PEX14: variants seen among roughly 807,000 people sequenced by gnomAD.
PEX14 encodes the protein peroxisomal biogenesis factor 14.
Under a neutral mutation model 49.5 loss-of-function variants are expected in PEX14, and 15 were observed. The observed-to-expected ratio is 0.30, with a 90% CI of 0.20 to 0.47. PEX14 has a LOEUF of 0.47. PEX14 is among the 20% of genes least tolerant of loss of function. PEX14 has a pLI of 1.00. For missense variants in PEX14, 398 were observed against 494.8 expected (o/e 0.80, Z 1.86); for synonymous variants, 210 against 212.7 (o/e 0.99, Z 0.11).
intron 2 of PEX14, among the ~76,000 whole-genome samples, chr1:10,521,991 G>A (rs1237161139): frequency 1.3e-5 from 2 of 152,198 alleles, no homozygotes; most frequent in East Asian, 1.9e-4. Flanking sequence ...TGATCGTAGT[G>A]TTGTAGGAAG....
intron 4 of PEX14, among the ~76,000 whole-genome samples, chr1:10,612,167 A>G (rs777514101): frequency 5.9e-5 from 9 of 152,102 alleles, no homozygotes; most frequent in Non-Finnish European, 8.8e-5. Flanking sequence ...ATTTTTGTGT[A>G]TGGTATAAGG....
chr1:10,558,052 A>G (rs11121587), intron 3 of PEX14, among the ~76,000 whole-genome samples: 37,783 of 152,038 alleles, frequency 0.25, 5,559 homozygotes, highest in Admixed American at 0.33. Context: ...GGGACATTCT[A>G]TTCTCATTCA....
chr1:10,629,407 GC>G lies in PEX14; in HGVS notation c.678-121del. The G allele has an allele frequency of 1.4e-6, 1 of 731,536 alleles. No individual in the cohort carries two copies. Among genetic ancestry groups the G allele is most frequent in the Admixed American group, 1.8e-5 (1 of 54,828 alleles). The allele number at this position is 731,536 out of a possible 1,614,324, so 45.3% of individuals were successfully genotyped here. On this transcript the variant is annotated intron_variant, in intron 8 of 8. Coordinates refer to ENST00000356607, the MANE Select transcript of PEX14 (RefSeq NM_004565.3). The surrounding 1 kb of genome is among the most constrained non-coding windows in gnomAD (Gnocchi z 8.5). ...GTGGAAGGGCTCCATCCTGTCCCTT[GC>G]CCAGTGTCCCTGGGGGAGCAGCTCA...
rs759085670 is a variant in PEX14 at position 10,630,296 on chromosome 1, C to T, written c.*309C>T. The T allele has an allele frequency of 8.6e-5, 43 of 498,398 alleles. No homozygotes were observed. Among genetic ancestry groups the T allele is most frequent in the East Asian group, 7.0e-4 (21 of 30,046 alleles). The allele number at this position is 498,398 out of a possible 1,614,324, so 30.9% of individuals were successfully genotyped here. On this transcript the variant is annotated 3_prime_UTR_variant, in exon 9 of 9. Transcript: ENST00000356607. The surrounding 1 kb of genome is among the most constrained non-coding windows in gnomAD (Gnocchi z 4.1). ...CAAGCCCCTCCCCAGCCCCCTCTCCCGGACAGACGCCTTGCCCAGGGTGTG... is the reference window on the plus strand; with the variant it reads ...CAAGCCCCTCCCCAGCCCCCTCTCCTGGACAGACGCCTTGCCCAGGGTGTG...
chr1:10,508,127 A>G (rs901824487), intron 2 of PEX14, among the ~76,000 whole-genome samples: 1 of 152,058 alleles, frequency 6.6e-6, no homozygotes, highest in African/African-American at 2.4e-5. Flanking sequence ...AGTCTTACAG[A>G]GGTTTCTCTT....
intron 3 of PEX14, among the ~76,000 whole-genome samples, chr1:10,573,285 T>TAAAGTGTACAGGCTTTTTG (rs1468187001): frequency 2.0e-5 from 3 of 152,230 alleles, no homozygotes; most frequent in African/African-American, 4.8e-5. Context: ...ACCTAATTTT[T>TAAAGTGTACAGGCTTTTTG]AAAGTGTACA....
intron 3 of PEX14, among the ~76,000 whole-genome samples, chr1:10,589,150 A>G (rs565779056): frequency 1.3e-5 from 2 of 152,346 alleles, no homozygotes; most frequent in Admixed American, 6.5e-5. Flanking sequence ...TAAGTTCAGT[A>G]GAGCCCACAT....
chr1:10,578,643 A>G (rs535050881), intron 3 of PEX14, among the ~76,000 whole-genome samples: 2 of 152,342 alleles, frequency 1.3e-5, no homozygotes, highest in East Asian at 1.9e-4. Context: ...AACTTTAACT[A>G]TGAACAAATA....
At chr1:10,513,497 G>A (rs1405746984) in intron 2 of PEX14, among the ~76,000 whole-genome samples, 1 of 152,174 alleles carries the variant, frequency 6.6e-6, no homozygotes, top group Non-Finnish European at 1.5e-5. Context: ...GGGGTGGCCC[G>A]ATAGCCTGCT....
chr1:10,578,960 T>C (rs59859007), intron 3 of PEX14, among the ~76,000 whole-genome samples: 142 of 152,220 alleles, frequency 9.3e-4, no homozygotes, highest in African/African-American at 3.3e-3. Context: ...CTGTCTAACA[T>C]AGGGTGACAG....
intron 8 of PEX14, 62 bp downstream of exon 8, chr1:10,627,425 G>A (rs1641782402): frequency 8.3e-7 from 1 of 1,203,578 alleles, no homozygotes; most frequent in Non-Finnish European, 1.2e-6. Context: ...TGGGAGCTCT[G>A]GGGCATGGGA....
rs540828656 is a variant in PEX14 at position 10,488,869 on chromosome 1, T to C, written c.37-6405T>C. On this transcript the variant is annotated intron_variant, in intron 1 of 8. Transcript: ENST00000356607. ...ACATGTTTTCATTTAAATACTTGAG[T>C]ATAGTTGTAACACCTGTCTTACTGT... Among the ~76,000 whole-genome samples, 6 of 152,310 alleles carry C rather than the reference T, an allele frequency of 3.9e-5. No homozygotes were observed. In the South Asian group the frequency reaches 1.2e-3, roughly 32 times the overall value.
chr1:10,503,667 G>A (rs11121580), intron 2 of PEX14, among the ~76,000 whole-genome samples: 5,754 of 151,868 alleles, frequency 0.038, 374 homozygotes, highest in African/African-American at 0.13. Flanking sequence ...TGTGAAAACT[G>A]TTGACTGTTG....
chr1:10,584,948 A>T (rs931656771), intron 3 of PEX14, among the ~76,000 whole-genome samples: 1 of 152,226 alleles, frequency 6.6e-6, no homozygotes, highest in African/African-American at 2.4e-5. Flanking sequence ...ATTGAAATGC[A>T]TGCCAGTACA....
At chr1:10,488,086 C>CT (rs1187998253) in intron 1 of PEX14, among the ~76,000 whole-genome samples, 1 of 151,940 alleles carries the variant, frequency 6.6e-6, no homozygotes, top group Non-Finnish European at 1.5e-5. Flanking sequence ...TGGCCTATTA[C>CT]TTTTTTTATT....
intron 3 of PEX14, among the ~76,000 whole-genome samples, chr1:10,587,920 T>TTTTTAAA (rs1453146872): frequency 1.6e-5 from 1 of 64,064 alleles, no homozygotes; most frequent in African/African-American, 6.7e-5. Context: ...TTTTTTTTTT[T>TTTTTAAA]AAAAAAAAAA....
At chr1:10,479,128 G>C (rs1641242768) in intron 1 of PEX14, among the ~76,000 whole-genome samples, 1 of 151,858 alleles carries the variant, frequency 6.6e-6, no homozygotes, top group South Asian at 2.1e-4. Flanking sequence ...TGTAATCTTA[G>C]CACTTTGGGA....
intron 3 of PEX14, among the ~76,000 whole-genome samples, chr1:10,587,264 C>G (rs1414279467): frequency 6.6e-6 from 1 of 152,004 alleles, no homozygotes; most frequent in Non-Finnish European, 1.5e-5. Context: ...TGAGACCAGC[C>G]TGGCCAACAT....
Position 10,608,935 on chromosome 1 carries a change from C to T in PEX14, c.299-9397C>T, listed in dbSNP as rs529036322. Among the ~76,000 whole-genome samples, 27 of 152,262 alleles carry T rather than the reference C, an allele frequency of 1.8e-4. 1 individual carries two copies. In the South Asian group the frequency reaches 5.6e-3, roughly 32 times the overall value. ...TGTTAATCCCTCTTCCCACCTCTAG[C>T]CCCAGGCAACCACTAATCTCCTTTT... On this transcript the variant is annotated intron_variant, in intron 4 of 8. Coordinates refer to ENST00000356607, the MANE Select transcript of PEX14 (RefSeq NM_004565.3).
Sources: gnomAD v4.1 joint callset for allele counts (sites outside exome capture counted in the v4.1 genomes callset) on GRCh38, gnomAD v4.1.1 for gene constraint, Gnocchi (gnomAD v3.1) non-coding constraint, MANE v1.5 for transcripts, NCBI Gene and HGNC (gene_info 2026-07-23, HGNC 2026-07-21) for gene names.